VPS39: variants seen among roughly 807,000 people sequenced by gnomAD.
VPS39 encodes the protein vam6/Vps39-like protein.
In VPS39, 70 loss-of-function variants were observed where a neutral mutation model predicts 121.0. That is an observed-to-expected ratio of 0.58 (90% CI 0.48 to 0.71). The LOEUF (loss-of-function observed/expected upper bound fraction) is 0.71, where lower values mean the gene tolerates loss of function less well. Ranked by LOEUF, VPS39 falls within the 30% of genes least tolerant of loss-of-function variation. The probability of loss-of-function intolerance (pLI) is 0.00; values close to 1 mark genes in which losing one functional copy is unlikely to be tolerated. For missense variants in VPS39, 818 were observed against 1,051.5 expected (o/e 0.78, Z 3.07); for synonymous variants, 378 against 398.1 (o/e 0.95, Z 0.60).
chr15:42,178,404 A>G, intron 9 of VPS39, 46 bp downstream of exon 9: 1 of 1,613,946 alleles, frequency 6.2e-7, no homozygotes, highest in African/African-American at 1.3e-5. Context: ...GTGACTTTAC[A>G]ACTTTGGGAT....
At position 42,165,131 on chromosome 15, in the gene VPS39, T is replaced by G; in HGVS notation, c.1780-18A>C. 2 of 1,610,528 alleles carry G rather than the reference T, an allele frequency of 1.2e-6. No individual in the cohort carries two copies. Among genetic ancestry groups the G allele is most frequent in the Non-Finnish European group, 1.7e-6 (2 of 1,176,840 alleles). ...ATGTGTTCCTGAGGCAAGATGTAGG[T>G]CTTTGTCACTGGTATTCTCCAGGCT... On this transcript the variant is annotated intron_variant, in intron 17 of 24. Coordinates refer to ENST00000318006, the MANE Select transcript of VPS39 (RefSeq NM_015289.5).
intron 7 of VPS39, among the ~76,000 whole-genome samples, chr15:42,185,115 A>G (rs2049672593): frequency 6.6e-6 from 1 of 152,200 alleles, no homozygotes; most frequent in South Asian, 2.1e-4. Flanking sequence ...ATGTATGTTT[A>G]CACAAACGCT....
chr15:42,167,681 T>C (rs1383776007), intron 12 of VPS39, 144 bp from the exon 13 acceptor site: 2 of 1,027,788 alleles, frequency 1.9e-6, no homozygotes, highest in Non-Finnish European at 2.8e-6. Context: ...CACTGCCAAA[T>C]TGCCACAGAG....
At chr15:42,204,470 C>T (rs1286421625) in intron 1 of VPS39, among the ~76,000 whole-genome samples, 3 of 152,012 alleles carry the variant, frequency 2.0e-5, no homozygotes, top group East Asian at 1.9e-4. Context: ...GCCAACATGA[C>T]GAAACCCCGT....
At chr15:42,190,871 G>A (rs562021715) in intron 4 of VPS39, among the ~76,000 whole-genome samples, 1 of 150,806 alleles carries the variant, frequency 6.6e-6, no homozygotes, top group African/African-American at 2.5e-5. Context: ...GTCTAGTCCA[G>A]ACTTTGCATA....
chr15:42,171,004 G>A (rs559794332), intron 11 of VPS39, among the ~76,000 whole-genome samples: 1 of 151,970 alleles, frequency 6.6e-6, no homozygotes, highest in Non-Finnish European at 1.5e-5. Flanking sequence ...CAAAATGCTG[G>A]GATTATAGGC....
intron 10 of VPS39, 151 bp downstream of exon 10, chr15:42,178,067 T>A: frequency 1.0e-6 from 1 of 976,136 alleles, no homozygotes; most frequent in South Asian, 1.7e-5. Flanking sequence ...TACATAGATA[T>A]TTTACGGTGG....
At chr15:42,187,495 G>A (rs538456714) in intron 6 of VPS39, 132 bp from the exon 7 acceptor site, 121 of 816,334 alleles carry the variant, frequency 1.5e-4, no homozygotes, top group Non-Finnish European at 2.1e-4. Context: ...CAGGCACAAG[G>A]CCAGGAAACT....
At chr15:42,197,784 C>T (rs541795297) in intron 2 of VPS39, among the ~76,000 whole-genome samples, 1 of 152,232 alleles carries the variant, frequency 6.6e-6, no homozygotes, top group Admixed American at 6.5e-5. Flanking sequence ...CCCTCCCTTT[C>T]CTCAGAAAGA....
chr15:42,181,189 T>A (rs2049574269), intron 8 of VPS39, among the ~76,000 whole-genome samples: 4 of 152,210 alleles, frequency 2.6e-5, no homozygotes, highest in Admixed American at 2.6e-4. Context: ...CTTTTTTAAG[T>A]AATTATTTTA....
At chr15:42,161,500 G>A (rs944633617) in intron 24 of VPS39, 182 bp downstream of exon 24, 42 of 747,506 alleles carry the variant, frequency 5.6e-5, no homozygotes, top group African/African-American at 1.0e-4. Context: ...TTAAATTCTC[G>A]AAGCCCACTC....
At chr15:42,179,743 G>C (rs1403487741) in intron 8 of VPS39, among the ~76,000 whole-genome samples, 1 of 152,042 alleles carries the variant, frequency 6.6e-6, no homozygotes, top group Non-Finnish European at 1.5e-5. Flanking sequence ...GTTTCTGCTA[G>C]AGATTTTCAC....
intron 4 of VPS39, among the ~76,000 whole-genome samples, chr15:42,190,446 T>C (rs1433147265): frequency 2.6e-5 from 4 of 152,182 alleles, no homozygotes; most frequent in South Asian, 2.1e-4. Context: ...GCTAGTCCCC[T>C]GCATGTCCAG....
intron 2 of VPS39, chr15:42,192,061 C>G: frequency 6.5e-7 from 1 of 1,536,396 alleles, no homozygotes; most frequent in East Asian, 2.4e-5. Flanking sequence ...TGCGTCTACA[C>G]TTACTGCCGC....
chr15:42,168,543 CTTT>C (rs773910224), intron 12 of VPS39, among the ~76,000 whole-genome samples: 8 of 136,732 alleles, frequency 5.9e-5, no homozygotes, highest in African/African-American at 5.4e-5. Context: ...AATACTTCTT[CTTT>C]TTTTTTTTTT....
Position 42,178,220 on chromosome 15 carries a change from C to A in VPS39, c.958G>T (p.Ala320Ser), listed in dbSNP as rs777209086. Reference sequence around the variant, plus strand: ...GACTAGTCAGGAACAAGACTTACTGCGAGCTGCAGAGCCAATTCAAACTGC... The same window carrying A: ...GACTAGTCAGGAACAAGACTTACTGAGAGCTGCAGAGCCAATTCAAACTGC... ...DKQFELALQL[A>S]EMKDDSDSEK... Residue 320 changes from alanine (A) to serine (S), a missense_variant and splice_region_variant, in exon 10 of 25, where the codon GCA (alanine) becomes TCA (serine). Physicochemically the swap from Ala to Ser is moderately conservative, Grantham distance 99. Coordinates refer to ENST00000318006, the MANE Select transcript of VPS39 (RefSeq NM_015289.5). 6.2e-7 allele frequency: 1 copy of A among 1,614,060 alleles called. No individual in the cohort carries two copies. The highest frequency in any genetic ancestry group is 8.5e-7 in the Non-Finnish European group (1 of 1,179,992).
chr15:42,167,051 A>G, intron 13 of VPS39, 138 bp from the exon 14 acceptor site: 5 of 1,255,180 alleles, frequency 4.0e-6, no homozygotes, highest in Non-Finnish European at 5.5e-6. Context: ...TCAGGACAGC[A>G]GGTAGAGGCT....
intron 1 of VPS39, among the ~76,000 whole-genome samples, chr15:42,205,649 A>G (rs188987551): frequency 3.2e-4 from 49 of 152,352 alleles, no homozygotes. Flanking sequence ...TTGTGATGTG[A>G]TACCATGAGA....
Position 42,191,508 on chromosome 15 carries a change from T to C in VPS39, c.192A>G (p.Lys64=), listed in dbSNP as rs1413900915. Residue 64 remains lysine (K), a synonymous_variant, in exon 3 of 25, where the codon AAA becomes AAG. Coordinates refer to ENST00000318006, the MANE Select transcript of VPS39 (RefSeq NM_015289.5). ...CATCACTGCTTACCTGCTGAATCTT[T>C]TTGGAGAAGTTCTTATTGGATTTCT... The part of the protein sequence containing the change: ...TLEKSNKNFS[K]KIQQIHVVSQ... 1.2e-6 allele frequency: 2 copies of C among 1,614,108 alleles called. No homozygotes were observed. Among genetic ancestry groups the C allele is most frequent in the South Asian group, 1.1e-5 (1 of 91,076 alleles).
Sources: gnomAD v4.1 joint callset for allele counts (sites outside exome capture counted in the v4.1 genomes callset) on GRCh38, gnomAD v4.1.1 for gene constraint, MANE v1.5 for transcripts, NCBI Gene and HGNC (gene_info 2026-07-23, HGNC 2026-07-21) for gene names.